Variants in PRKAR1B observed in about 807,000 individuals in gnomAD.
The protein encoded by PRKAR1B is cAMP-dependent protein kinase type I-beta regulatory subunit.
Under a neutral mutation model 46.5 loss-of-function variants are expected in PRKAR1B, and 22 were observed. That is an observed-to-expected ratio of 0.47 (90% CI 0.34 to 0.68). PRKAR1B has a LOEUF of 0.68. PRKAR1B is among the 30% of genes least tolerant of loss of function. The pLI is 0.01. For missense variants in PRKAR1B, 445 were observed against 535.6 expected (o/e 0.83, Z 1.67); for synonymous variants, 259 against 217.7 (o/e 1.19, Z -1.67).
intron 4 of PRKAR1B, 28 bp from the exon 5 acceptor site, chr7:607,480 G>A: frequency 6.3e-7 from 1 of 1,594,448 alleles, no homozygotes; most frequent in Non-Finnish European, 8.6e-7. Flanking sequence ...CCAAATTAGG[G>A]CTGCAGGCAG....
In PRKAR1B at chr7:677,229, C is replaced by T; in HGVS notation, c.440G>A (p.Ser147Asn). 1 of 1,614,196 alleles carries T rather than the reference C, an allele frequency of 6.2e-7. No individual in the cohort carries two copies. Among genetic ancestry groups the T allele is most frequent in the Non-Finnish European group, 8.5e-7 (1 of 1,179,992 alleles). Residue 147 changes from serine (S) to asparagine (N), a missense_variant and splice_region_variant, in exon 4 of 11, where the codon AGT (serine) becomes AAT (asparagine). Physicochemically the swap from Ser to Asn is conservative, Grantham distance 46. This residue lies in a region of PRKAR1B where 94 missense variants were observed against 126.9 expected (regional missense o/e 0.74). Transcript: ENST00000537384. Reference sequence around the variant, plus strand: ...CGGGGCAGGGGACGAGTCTGCCTACCTCCTCTCGTTGTCATCCAGGTGAGC... The same window carrying T: ...CGGGGCAGGGGACGAGTCTGCCTACTTCCTCTCGTTGTCATCCAGGTGAGC... ...LFAHLDDNER[S>N]DIFDAMFPVT...
At chr7:648,020 C>T (rs910596984) in intron 4 of PRKAR1B, among the ~76,000 whole-genome samples, 2 of 151,680 alleles carry the variant, frequency 1.3e-5, no homozygotes, top group African/African-American at 4.8e-5. Context: ...GTGGTGCGCA[C>T]CTGTGGTCCC....
chr7:640,878 A>G (rs989040226), intron 4 of PRKAR1B, among the ~76,000 whole-genome samples: 1 of 152,110 alleles, frequency 6.6e-6, no homozygotes, highest in African/African-American at 2.4e-5. Flanking sequence ...ACCAAATGCC[A>G]GCAAGGATGT....
intron 4 of PRKAR1B, among the ~76,000 whole-genome samples, chr7:641,334 G>A (rs1229113629): frequency 2.0e-5 from 3 of 152,176 alleles, no homozygotes; most frequent in East Asian, 1.9e-4. Context: ...GAAAACGTAC[G>A]TTCACACAGA....
intron 4 of PRKAR1B, among the ~76,000 whole-genome samples, chr7:633,230 G>C (rs1233015789): frequency 1.3e-5 from 2 of 152,152 alleles, no homozygotes; most frequent in African/African-American, 2.4e-5. Flanking sequence ...TGTGTCTCGT[G>C]TGCAAACATC....
At position 610,852 on chromosome 7, in the gene PRKAR1B, G is replaced by A. The variant is rs541374330; in HGVS notation, c.441-3400C>T. Among the ~76,000 whole-genome samples the A allele has an allele frequency of 1.8e-3, 277 of 152,326 alleles. 1 individual carries two copies. The highest frequency in any genetic ancestry group is 3.3e-3 in the Non-Finnish European group (222 of 68,034). ...AAGCTGCTGGCTCAGATTTTAAATCGTCTCACATGTGGGTTGCCCCACCTA... is the reference window on the plus strand; with the variant it reads ...AAGCTGCTGGCTCAGATTTTAAATCATCTCACATGTGGGTTGCCCCACCTA... On this transcript the variant is annotated intron_variant, in intron 4 of 10. Transcript: ENST00000537384.
In PRKAR1B at chr7:578,048, G is replaced by A. The variant is rs142446183; in HGVS notation, c.891+1208C>T. Among the ~76,000 whole-genome samples the A allele has an allele frequency of 9.2e-3, 1,404 of 152,354 alleles. 11 individuals are homozygous for A. The highest frequency in any genetic ancestry group is 0.015 in the Non-Finnish European group (1,021 of 68,034). Reference sequence around the variant, plus strand: ...GCCATGGAAAGGGGCGGGAGCGCCCGGGTGTTGTCATGGCAACGGTAAACT... The same window carrying A: ...GCCATGGAAAGGGGCGGGAGCGCCCAGGTGTTGTCATGGCAACGGTAAACT... On this transcript the variant is annotated intron_variant, in intron 9 of 10. Coordinates refer to ENST00000537384, the MANE Select transcript of PRKAR1B (RefSeq NM_001164760.2).
intron 9 of PRKAR1B, among the ~76,000 whole-genome samples, chr7:568,591 A>C (rs141292850): frequency 6.6e-5 from 10 of 152,234 alleles, no homozygotes; most frequent in African/African-American, 2.4e-4. Context: ...ACCACCCCCC[A>C]CAAGGGAGGG....
intron 7 of PRKAR1B, among the ~76,000 whole-genome samples, chr7:590,329 G>C (rs560122226): frequency 6.6e-6 from 1 of 152,278 alleles, no homozygotes; most frequent in African/African-American, 2.4e-5. Flanking sequence ...GCAGCTGAGA[G>C]CACAGAGCTG....
intron 4 of PRKAR1B, among the ~76,000 whole-genome samples, chr7:654,591 C>A (rs1262431359): frequency 6.7e-6 from 1 of 148,984 alleles, no homozygotes; most frequent in Non-Finnish European, 1.5e-5. Context: ...ACCATCTTCA[C>A]CACCTTCACC....
chr7:565,208 G>A (rs892795578), intron 9 of PRKAR1B: 2 of 152,232 alleles, frequency 1.3e-5, no homozygotes, highest in African/African-American at 4.8e-5. Context: ...CTGGGGTCTG[G>A]GGCAGCCTTT....
In PRKAR1B at chr7:606,214, G is replaced by T. The variant is rs201266818; in HGVS notation, c.528C>A (p.Val176=). ...QQGNEGDNFY[V]VDQGEVDVYV... Reference sequence around the variant, plus strand: ...TCACATCCACTTCCCCTTGATCAACGACATAGAAGTTGTCTCCTTCATTCC... The same window carrying T: ...TCACATCCACTTCCCCTTGATCAACTACATAGAAGTTGTCTCCTTCATTCC... The change falls in exon 6 of 11, where the codon GTC becomes GTA. Residue 176 remains valine (V), a synonymous_variant. Transcript: ENST00000537384. 1.9e-6 allele frequency: 3 copies of T among 1,613,888 alleles called. No homozygotes were observed. Among genetic ancestry groups the T allele is most frequent in the Non-Finnish European group, 2.5e-6 (3 of 1,179,876 alleles).
chr7:701,443 AAG>A (rs1212636250), intron 2 of PRKAR1B, among the ~76,000 whole-genome samples: 1 of 152,158 alleles, frequency 6.6e-6, no homozygotes, highest in Non-Finnish European at 1.5e-5. Flanking sequence ...AGACAGGAAA[AAG>A]AGATTGGTAC....
chr7:711,250 A>C, intron 2 of PRKAR1B, 79 bp downstream of exon 2: 3 of 1,555,158 alleles, frequency 1.9e-6, no homozygotes, highest in Non-Finnish European at 2.6e-6. Flanking sequence ...ACCACGGGAC[A>C]GAGGGAAGGC....
intron 4 of PRKAR1B, among the ~76,000 whole-genome samples, chr7:647,420 C>A (rs1474179113): frequency 6.6e-6 from 1 of 152,028 alleles, no homozygotes; most frequent in Non-Finnish European, 1.5e-5. Flanking sequence ...CCTCTATGAT[C>A]CCAACACCCC....
chr7:583,432 A>G (rs1302099142), intron 8 of PRKAR1B, among the ~76,000 whole-genome samples: 3 of 51,992 alleles, frequency 5.8e-5, no homozygotes, highest in Admixed American at 1.6e-4. Context: ...ACACGCACAC[A>G]CCCACAGTGC....
chr7:643,493 C>A lies in PRKAR1B; in HGVS notation c.440+33736G>T, dbSNP rs908001390. Among the ~76,000 whole-genome samples the A allele has an allele frequency of 3.3e-5, 5 of 151,540 alleles. 1 individual carries two copies. Among genetic ancestry groups the A allele is most frequent in the Admixed American group, 3.3e-4 (5 of 15,260 alleles). On this transcript the variant is annotated intron_variant, in intron 4 of 10. Coordinates refer to ENST00000537384, the MANE Select transcript of PRKAR1B (RefSeq NM_001164760.2). Reference sequence around the variant, plus strand: ...ATCCCAGCACTTTGGGAGGCCGAGGCAGGCAGATCACCAGAGGTTGGGAGT... The same window carrying A: ...ATCCCAGCACTTTGGGAGGCCGAGGAAGGCAGATCACCAGAGGTTGGGAGT...
chr7:684,138 C>G (rs1264283072), intron 2 of PRKAR1B, among the ~76,000 whole-genome samples: 1 of 149,986 alleles, frequency 6.7e-6, no homozygotes, highest in Non-Finnish European at 1.5e-5. Flanking sequence ...GTGCTGATGC[C>G]CACCTCTGTG....
chr7:625,236 T>C lies in PRKAR1B; in HGVS notation c.441-17784A>G, dbSNP rs1783319956. ...GAAATGAAAATGAAAATAGAGCTTA[T>C]CATAATATGCAGGAGGTAGCAAAAG... On this transcript the variant is annotated intron_variant, in intron 4 of 10. Coordinates refer to ENST00000537384, the MANE Select transcript of PRKAR1B (RefSeq NM_001164760.2). Among the ~76,000 whole-genome samples the C allele has an allele frequency of 2.6e-5, 4 of 152,130 alleles. No homozygotes were observed. The South Asian group carries it at 8.3e-4, about 32-fold the overall frequency.
Sources: allele counts gnomAD v4.1 joint callset (sites outside exome capture counted in the v4.1 genomes callset), GRCh38; gene constraint gnomAD v4.1.1; regional missense constraint gnomAD v4.1.1; transcripts MANE v1.5; gene names NCBI Gene and HGNC (gene_info 2026-07-23, HGNC 2026-07-21).